The following TMBIM1 variants were observed in gnomAD, a reference collection of about 807,000 sequenced individuals.
TMBIM1 encodes protein lifeguard 3.
In TMBIM1, 34 loss-of-function variants were observed where a neutral mutation model predicts 45.1. The observed-to-expected ratio is 0.75, with a 90% CI of 0.57 to 1.00. TMBIM1 has a LOEUF of 1.00. Ranked by LOEUF, TMBIM1 falls within the 50% of genes least tolerant of loss-of-function variation. TMBIM1 has a pLI of 0.00. For missense variants in TMBIM1, 374 were observed against 402.4 expected, an observed-to-expected ratio of 0.93 and a Z score of 0.60; for synonymous variants, 157 against 153.5, an observed-to-expected ratio of 1.02 and a Z score of -0.17.
intron 2 of TMBIM1, 151 bp from the exon 3 acceptor site, chr2:218,280,277 A>G: frequency 1.6e-6 from 1 of 636,432 alleles, no homozygotes; most frequent in Non-Finnish European, 2.8e-6. Flanking sequence ...GGTCTTCTAG[A>G]CACCCTCAGA....
chr2:218,275,280 C>T lies in TMBIM1; in HGVS notation c.*195G>A. On this transcript the variant is annotated 3_prime_UTR_variant, in exon 12 of 12. Coordinates refer to ENST00000258412, the MANE Select transcript of TMBIM1 (RefSeq NM_022152.6). ...AGCCCACCAAGAGCAACAGTTAGTCCCTAGCTCCTCCGTCCCCACCAAGTA... is the reference window on the plus strand; with the variant it reads ...AGCCCACCAAGAGCAACAGTTAGTCTCTAGCTCCTCCGTCCCCACCAAGTA... The T allele has an allele frequency of 1.6e-6, 1 of 613,452 alleles. No individual in the cohort carries two copies. Among genetic ancestry groups the T allele is most frequent in the South Asian group, 3.2e-5 (1 of 31,078 alleles). The allele number at this position is 613,452 out of a possible 1,614,324, so 38.0% of individuals were successfully genotyped here.
intron 1 of TMBIM1, chr2:218,290,121 G>A (rs529111250): frequency 2.0e-5 from 3 of 152,316 alleles, no homozygotes; most frequent in African/African-American, 7.2e-5. Context: ...TTCCCAGACT[G>A]TTCTAAAGAA....
chr2:218,278,033 C>G (rs1243002729), intron 6 of TMBIM1, 59 bp from the exon 7 acceptor site: 3 of 1,595,716 alleles, frequency 1.9e-6, no homozygotes, highest in Non-Finnish European at 2.6e-6. Context: ...GTCAGAGGCT[C>G]CTACAGCAGA....
intron 1 of TMBIM1, among the ~76,000 whole-genome samples, chr2:218,285,352 C>A (rs1208871301): frequency 6.6e-6 from 1 of 152,154 alleles, no homozygotes; most frequent in Non-Finnish European, 1.5e-5. Flanking sequence ...AATCCCTAAC[C>A]TGAAAACACC....
At position 218,280,263 on chromosome 2, in the gene TMBIM1, C is replaced by G. The variant is rs1174241187; in HGVS notation, c.203-137G>C. ...TTATAACAGGAACTCTTCTCCCAAG[C>G]TGGGGTCTTCTAGACACCCTCAGAG... On this transcript the variant is annotated intron_variant, in intron 2 of 11. Coordinates refer to ENST00000258412, the MANE Select transcript of TMBIM1 (RefSeq NM_022152.6). 6.0e-6 allele frequency: 4 copies of G among 669,530 alleles called. No homozygotes were observed. The East Asian group carries it at 8.3e-5, about 14-fold the overall frequency. The allele number at this position is 669,530 out of a possible 1,614,324, so 41.5% of individuals were successfully genotyped here. A position where few individuals can be genotyped will look rare whatever the true frequency, so the allele number is the denominator to read the frequency against.
At chr2:218,282,340 C>T (rs912519426) in intron 1 of TMBIM1, 159 bp from the exon 2 acceptor site, 3 of 493,544 alleles carry the variant, frequency 6.1e-6, no homozygotes, top group Non-Finnish European at 1.1e-5. Flanking sequence ...CACAGGCCAC[C>T]TCCCCACCAA....
Position 218,276,068 on chromosome 2 carries a change from G to A in TMBIM1, c.747C>T (p.Leu249=), listed in dbSNP as rs775743400. Residue 249 remains leucine (L), a synonymous_variant, in exon 11 of 12, where the codon CTC becomes CTT. Coordinates refer to ENST00000258412, the MANE Select transcript of TMBIM1 (RefSeq NM_022152.6). ...IVLYFQYVYW[L]HMLYAALGAI... is the part of the protein sequence containing the mutation. ...CCCCCAGAGCAGCATAGAGCATGTG[G>A]AGCCAGTAAACCTGGAGAAGAAGGG... The A allele has an allele frequency of 5.6e-6, 9 of 1,612,976 alleles. No homozygotes were observed. The highest frequency in any genetic ancestry group is 7.6e-6 in the Non-Finnish European group (9 of 1,179,660).
At chr2:218,281,107 T>G (rs1332788964) in intron 2 of TMBIM1, 2 of 145,940 alleles carry the variant, frequency 1.4e-5, no homozygotes, top group African/African-American at 5.3e-5. Flanking sequence ...CCGGCCTCTT[T>G]TTTTGTTTTG....
In TMBIM1 at chr2:218,282,089, G is replaced by A; in HGVS notation, c.53C>T (p.Pro18Leu). 2 of 1,575,200 alleles carry A rather than the reference G, an allele frequency of 1.3e-6. No individual in the cohort carries two copies. The highest frequency in any genetic ancestry group is 2.3e-5 in the South Asian group (2 of 86,370). Reference protein sequence around the residue: ...PPYEDRNPLYPGPPPPGGYGQ... With the variant: ...PPYEDRNPLYLGPPPPGGYGQ... ...ATAGCCCCCAGGGGGCGGAGGGCCT[G>A]GGTACAGGGGGTTGCGGTCTTCATA... Residue 18 changes from proline (P) to leucine (L), a missense_variant, in exon 2 of 12, where the codon CCA becomes CTA. Transcript: ENST00000258412.
At chr2:218,288,883 A>T (rs907381173) in intron 1 of TMBIM1, among the ~76,000 whole-genome samples, 1 of 152,214 alleles carries the variant, frequency 6.6e-6, no homozygotes, top group Non-Finnish European at 1.5e-5. Flanking sequence ...ATAGTAACTA[A>T]GGCACATCTG....
intron 1 of TMBIM1, among the ~76,000 whole-genome samples, chr2:218,289,693 A>G (rs1167904335): frequency 6.6e-6 from 1 of 152,032 alleles, no homozygotes; most frequent in Non-Finnish European, 1.5e-5. Flanking sequence ...CTGAATGAAC[A>G]GCCTAACAGG....
intron 1 of TMBIM1, among the ~76,000 whole-genome samples, chr2:218,285,003 T>G (rs549344978): frequency 3.3e-5 from 5 of 152,050 alleles, no homozygotes; most frequent in Non-Finnish European, 7.4e-5. Context: ...GGCAGGAGAA[T>G]CGATTCAACC....
rs1691418735 is a variant in TMBIM1, at chr2:218,277,992, C to CCTTGATTAAATGA, written c.474-31_474-19dup. 6.2e-7 allele frequency: 1 copy of CCTTGATTAAATGA among 1,613,830 alleles called. No individual in the cohort carries two copies. Among genetic ancestry groups the CCTTGATTAAATGA allele is most frequent in the Non-Finnish European group, 8.5e-7 (1 of 1,179,962 alleles). ...AACGGCGTCTGAAGGGAAAGAGAAGCCTTGATTAAATGACTTGGGGCCCCT... is the reference window on the plus strand; with the variant it reads ...AACGGCGTCTGAAGGGAAAGAGAAGCCTTGATTAAATGACTTGATTAAATGACTTGGGGCCCCT... On this transcript the variant is annotated intron_variant, in intron 6 of 11. Transcript: ENST00000258412.
rs760758102 is a variant in TMBIM1 at position 218,282,106 on chromosome 2, G to A, written c.36C>T (p.Asp12=). Residue 12 remains aspartate, a synonymous_variant, in exon 2 of 12, where the codon GAC becomes GAT. Coordinates refer to ENST00000258412, the MANE Select transcript of TMBIM1 (RefSeq NM_022152.6). ...GAGGGCCTGGGTACAGGGGGTTGCG[G>A]TCTTCATATGGTGGTGGGGCGCTGG... ...SNPSAPPPYE[D]RNPLYPGPPP... The A allele has an allele frequency of 4.5e-6, 7 of 1,553,210 alleles. No individual in the cohort carries two copies. The Admixed American group carries it at 8.0e-5, about 18-fold the overall frequency.
At chr2:218,277,579 C>G in intron 8 of TMBIM1, 54 bp downstream of exon 8, 1 of 1,612,796 alleles carries the variant, frequency 6.2e-7, no homozygotes, top group African/African-American at 1.3e-5. Flanking sequence ...CCAGGAACAC[C>G]CCACTCCCCA....
Position 218,282,178 on chromosome 2 carries a change from G to A in TMBIM1, c.-37C>T, listed in dbSNP as rs764156509. The A allele has an allele frequency of 1.3e-5, 18 of 1,426,968 alleles. No homozygotes were observed. Among genetic ancestry groups the A allele is most frequent in the Non-Finnish European group, 1.7e-5 (18 of 1,082,968 alleles). The allele number at this position is 1,426,968 out of a possible 1,614,324, so 88.4% of individuals were successfully genotyped here. On this transcript the variant is annotated 5_prime_UTR_variant, in exon 2 of 12. Transcript: ENST00000258412. Reference sequence around the variant, plus strand: ...GGCTGAGGGGGAACCCCAGCTGCTGGGACCTGAAATGGGAGAGGAGAAAAG... The same window carrying A: ...GGCTGAGGGGGAACCCCAGCTGCTGAGACCTGAAATGGGAGAGGAGAAAAG...
chr2:218,281,609 T>A (rs1268838351), intron 2 of TMBIM1, among the ~76,000 whole-genome samples: 4 of 152,206 alleles, frequency 2.6e-5, no homozygotes, highest in Non-Finnish European at 4.4e-5. Flanking sequence ...CAGCAGCTTG[T>A]TGGCCGCTTG....
rs1207871205 is a variant in TMBIM1 at position 218,277,382 on chromosome 2, A to C, written c.623T>G (p.Phe208Cys). 9 of 1,614,190 alleles carry C rather than the reference A, an allele frequency of 5.6e-6. No homozygotes were observed. Among genetic ancestry groups the C allele is most frequent in the Admixed American group, 1.7e-5 (1 of 60,024 alleles). The change falls in exon 9 of 12, where the codon TTC (phenylalanine) becomes TGC (cysteine). Residue 208 changes from phenylalanine (F) to cysteine (C), a missense_variant. Transcript: ENST00000258412. ...TGCCCTCACCTTGGTCTGAAAGCAGAAGATGGTGACTGAAATGGATACCAC... is the reference window on the plus strand; with the variant it reads ...TGCCCTCACCTTGGTCTGAAAGCAGCAGATGGTGACTGAAATGGATACCAC... ...TAVVSISVTI[F>C]CFQTKVDFTS...
At position 218,282,013 on chromosome 2, in the gene TMBIM1, C is replaced by T. The variant is rs564213152; in HGVS notation, c.129G>A (p.Pro43=). The part of the protein sequence containing the change: ...PGGYPAYPGY[P]QPGYGHPAGY... ...CAGCAGGGTGACCGTAGCCAGGCTG[C>T]GGGTAGCCAGGGTAGGCAGGATACC... Residue 43 remains proline, a synonymous_variant, in exon 2 of 12, where the codon CCG becomes CCA. Transcript: ENST00000258412. 3.5e-5 allele frequency: 56 copies of T among 1,606,632 alleles called. No individual in the cohort carries two copies. Among genetic ancestry groups the T allele is most frequent in the South Asian group, 3.5e-4 (31 of 89,434 alleles).
Sources: gnomAD v4.1 joint callset for allele counts (sites outside exome capture counted in the v4.1 genomes callset) on GRCh38, gnomAD v4.1.1 for gene constraint, MANE v1.5 for transcripts, NCBI Gene and HGNC (gene_info 2026-07-23, HGNC 2026-07-21) for gene names.